ECM2: variants seen among roughly 807,000 people sequenced by gnomAD.
The protein encoded by ECM2 is extracellular matrix protein 2.
In ECM2, 57 loss-of-function variants were observed where a neutral mutation model predicts 67.5. The observed-to-expected ratio is 0.84, with a 90% CI of 0.68 to 1.05. ECM2 has a LOEUF of 1.05. Among genes scored for constraint, ECM2 ranks in the 50% least tolerant of loss-of-function variants. The pLI is 0.00. For missense variants in ECM2, 741 were observed against 822.8 expected (o/e 0.90, Z 1.22); for synonymous variants, 258 against 294.5 (o/e 0.88, Z 1.27).
At chr9:92,508,297 C>T (rs997597517) in intron 6 of ECM2, among the ~76,000 whole-genome samples, 18 of 152,210 alleles carry the variant, frequency 1.2e-4, no homozygotes, top group Admixed American at 9.8e-4. Context: ...GGCATGGGGC[C>T]GAGGCTCCTC....
At chr9:92,534,380 A>C (rs1009861682) in intron 1 of ECM2, among the ~76,000 whole-genome samples, 2 of 152,174 alleles carry the variant, frequency 1.3e-5, no homozygotes, top group Admixed American at 1.3e-4. Context: ...GGTTTCACTT[A>C]GTTAGTTCAT....
At position 92,514,865 on chromosome 9, in the gene ECM2, C is replaced by T; in HGVS notation, c.820G>A (p.Asp274Asn). The change falls in exon 4 of 10, where the codon GAT (aspartate) becomes AAT (asparagine). Residue 274 changes from aspartate (D) to asparagine (N), a missense_variant. By Grantham distance (23) the Asp-to-Asn change is conservative. Transcript: ENST00000344604. The part of the protein sequence containing the change: ...QQRQGREEEE[D>N]EEEEGEEGEE... ...CCCTCCTCACCCTCCTCCTCCTCAT[C>T]CTCCTCCTCCTCCCTTCCTTGGCGT... 1 of 1,604,576 alleles carries T rather than the reference C, an allele frequency of 6.2e-7. No individual in the cohort carries two copies. Among genetic ancestry groups the T allele is most frequent in the Non-Finnish European group, 8.5e-7 (1 of 1,173,112 alleles).
At chr9:92,519,242 T>G (rs1194529310) in intron 2 of ECM2, among the ~76,000 whole-genome samples, 3 of 152,188 alleles carry the variant, frequency 2.0e-5, no homozygotes, top group Admixed American at 2.0e-4. Flanking sequence ...ACATATGAGT[T>G]TCTTCCAGGT....
At chr9:92,552,505 T>A in the ECM2 span, among the ~76,000 whole-genome samples, 1 of 152,140 alleles carries the variant, frequency 6.6e-6, no homozygotes, top group Admixed American at 6.6e-5. Flanking sequence ...TGCCAACATC[T>A]ACTGTTTTTT....
In ECM2 at chr9:92,501,005, C is replaced by T. The variant is rs199713916; in HGVS notation, c.1653G>A (p.Pro551=). The change falls in exon 9 of 10, where the codon CCG becomes CCA. Residue 551 remains proline (P), a synonymous_variant. Coordinates refer to ENST00000344604, the MANE Select transcript of ECM2 (RefSeq NM_001393.4). ...GCAGCAAGGACTTGGGTAGATAGGA[C>T]GGGACGTGATAGAGCTTGTTGTAGG... ...DLSYNKLYHV[P]SYLPKSLLHL... is the part of the protein sequence containing the mutation. 1.9e-5 allele frequency: 31 copies of T among 1,613,886 alleles called. No homozygotes were observed. The highest frequency in any genetic ancestry group is 2.7e-5 in the African/African-American group (2 of 74,840).
At chr9:92,534,718 G>A (rs1452258926) in intron 1 of ECM2, among the ~76,000 whole-genome samples, 8 of 152,194 alleles carry the variant, frequency 5.3e-5, no homozygotes, top group Non-Finnish European at 1.2e-4. Context: ...AACAACAGCA[G>A]GGGAAAGCAA....
At chr9:92,540,366 C>T (rs753941968), upstream of ECM2, among the ~76,000 whole-genome samples, 3 of 144,754 alleles carry the variant, frequency 2.1e-5, no homozygotes, top group Admixed American at 6.9e-5. Flanking sequence ...TGAACCCAGG[C>T]GGCAAAGGTC....
At chr9:92,556,872 G>T in the ECM2 span, among the ~76,000 whole-genome samples, 4 of 151,924 alleles carry the variant, frequency 2.6e-5, no homozygotes, top group African/African-American at 9.7e-5. Flanking sequence ...TACTTTGTGG[G>T]TTTTTTTGTT....
intron 1 of ECM2, among the ~76,000 whole-genome samples, chr9:92,526,527 A>G (rs1848419824): frequency 6.6e-6 from 1 of 152,038 alleles, no homozygotes; most frequent in Non-Finnish European, 1.5e-5. Flanking sequence ...AAGAACTAGA[A>G]AAGCAACAGC....
In ECM2 at chr9:92,511,978, C is replaced by T. The variant is rs776770919; in HGVS notation, c.1170+33G>A. 4.7e-6 allele frequency: 7 copies of T among 1,500,764 alleles called. No individual in the cohort carries two copies. The Middle Eastern group carries it at 5.2e-4, about 112-fold the overall frequency. 93.0% of individuals were successfully genotyped at this position (1,500,764 alleles called of 1,614,324 possible). ...CAATGCAAGTCATAGTGAAGCCATT[C>T]ATCCAAATAGACAAATCAGAGCATG... On this transcript the variant is annotated intron_variant, in intron 5 of 9. Coordinates refer to ENST00000344604, the MANE Select transcript of ECM2 (RefSeq NM_001393.4).
At position 92,517,725 on chromosome 9, in the gene ECM2, A is replaced by G. The variant is rs778988495; in HGVS notation, c.443T>C (p.Ile148Thr). The stretch of plus-strand genomic sequence containing the variant: ...GACCGGGCAGCATTCCCCTTCAGGT[A>G]TAACTGTTTGGGGGCACCTCTGGGG... ...CHPQRCPQTV[I>T]PEGECCPVCS... The change falls in exon 3 of 10, where the codon ATA (isoleucine) becomes ACA (threonine). Residue 148 changes from isoleucine to threonine, a missense_variant. Coordinates refer to ENST00000344604, the MANE Select transcript of ECM2 (RefSeq NM_001393.4). 2.5e-6 allele frequency: 4 copies of G among 1,614,214 alleles called. No individual in the cohort carries two copies. The highest frequency in any genetic ancestry group is 3.4e-6 in the Non-Finnish European group (4 of 1,180,032).
rs762736296 is a variant in ECM2 at position 92,502,527 on chromosome 9, G to A, written c.1590C>T (p.Ala530=). 6.2e-7 allele frequency: 1 copy of A among 1,612,728 alleles called. No individual in the cohort carries two copies. Among genetic ancestry groups the A allele is most frequent in the East Asian group, 2.2e-5 (1 of 44,804 alleles). ...CATGTACTTACTCTTGATTTATCCA[G>A]GCTAAAGGAGCAATCCTATTTTCTT... ...KIEENRIAPL[A]WINQENLESI... The change falls in exon 8 of 10, where the codon GCC becomes GCT. Residue 530 remains alanine (A), a synonymous_variant. Coordinates refer to ENST00000344604, the MANE Select transcript of ECM2 (RefSeq NM_001393.4).
intron 8 of ECM2, 103 bp downstream of exon 8, chr9:92,502,410 C>G (rs751491095): frequency 8.6e-6 from 12 of 1,399,796 alleles, no homozygotes; most frequent in African/African-American, 1.4e-5. Context: ...CCTTCAGTAT[C>G]GTCACCTCCC....
upstream of ECM2, among the ~76,000 whole-genome samples, chr9:92,541,062 C>G (rs916368639): frequency 6.6e-6 from 1 of 151,930 alleles, no homozygotes; most frequent in African/African-American, 2.4e-5. Flanking sequence ...GAGTTCAAGA[C>G]CAGCCTGGCC....
chr9:92,557,670 G>A, the ECM2 span, among the ~76,000 whole-genome samples: 1 of 152,150 alleles, frequency 6.6e-6, no homozygotes, highest in African/African-American at 2.4e-5. Flanking sequence ...TTGAGACAGA[G>A]TCTTGCTCTG....
rs1846314426 is a variant in ECM2, at chr9:92,495,768, G to A, written c.*547C>T. The stretch of plus-strand genomic sequence containing the variant: ...ACAGTAGTGTTTTAATTTTACACAT[G>A]TAATTAATGGAAGAAATGAAAGCTA... On this transcript the variant is annotated 3_prime_UTR_variant, in exon 10 of 10. Transcript: ENST00000344604. 8 of 942,928 alleles carry A rather than the reference G, an allele frequency of 8.5e-6. No homozygotes were observed. Among genetic ancestry groups the A allele is most frequent in the Non-Finnish European group, 1.0e-5 (8 of 791,438 alleles). The allele number at this position is 942,928 out of a possible 1,614,324, so 58.4% of individuals were successfully genotyped here.
chr9:92,548,711 T>G, the ECM2 span, among the ~76,000 whole-genome samples: 4 of 152,208 alleles, frequency 2.6e-5, no homozygotes, highest in African/African-American at 9.6e-5. Context: ...GAGAAAATTA[T>G]AAAATTTTGA....
At chr9:92,526,777 TAAA>T (rs556343494) in intron 1 of ECM2, among the ~76,000 whole-genome samples, 2 of 151,996 alleles carry the variant, frequency 1.3e-5, no homozygotes, top group Admixed American at 6.6e-5. Context: ...ATTGAAGAAA[TAAA>T]AAAACTTTTT....
chr9:92,519,105 C>T (rs1002997079), intron 2 of ECM2, among the ~76,000 whole-genome samples: 2 of 152,122 alleles, frequency 1.3e-5, no homozygotes, highest in African/African-American at 4.8e-5. Context: ...CCAAATGAGC[C>T]TCTCACATTA....
Sources: gnomAD v4.1 joint callset for allele counts (sites outside exome capture counted in the v4.1 genomes callset) on GRCh38, gnomAD v4.1.1 for gene constraint, MANE v1.5 for transcripts, NCBI Gene and HGNC (gene_info 2026-07-23, HGNC 2026-07-21) for gene names.